OGDH: variants seen among roughly 807,000 people sequenced by gnomAD.
OGDH encodes 2-oxoglutarate dehydrogenase complex component E1.
A neutral mutation model predicts 116.6 loss-of-function variants in OGDH; 38 were observed. The observed-to-expected ratio is 0.33, with a 90% CI of 0.25 to 0.43. The LOEUF (loss-of-function observed/expected upper bound fraction) is 0.43. OGDH is among the 20% of genes least tolerant of loss of function. The pLI is 1.00. For missense variants in OGDH, 825 were observed against 1,357.2 expected (o/e 0.61, Z 6.16); for synonymous variants, 488 against 533.3 (o/e 0.92, Z 1.17).
intron 1 of OGDH, among the ~76,000 whole-genome samples, chr7:44,617,596 T>C (rs572006158): frequency 8.7e-4 from 132 of 152,354 alleles, no homozygotes; most frequent in African/African-American, 3.1e-3. Flanking sequence ...AGAATTGATA[T>C]CTGTACTCTG....
chr7:44,676,583 T>A, intron 9 of OGDH: 1 of 210,492 alleles, frequency 4.8e-6, no homozygotes, highest in Non-Finnish European at 8.1e-6. Flanking sequence ...AAATAAAAAA[T>A]ATATGTATAT....
At position 44,708,136 on chromosome 7, in the gene OGDH, C is replaced by T; in HGVS notation, c.*137C>T. Reference sequence around the variant, plus strand: ...GTGCCACCACCCCTCCCTCTGCTCTCATAGGAGTTAGGCTGTCGTCCCCCT... The same window carrying T: ...GTGCCACCACCCCTCCCTCTGCTCTTATAGGAGTTAGGCTGTCGTCCCCCT... On this transcript the variant is annotated 3_prime_UTR_variant, in exon 23 of 23. Transcript: ENST00000222673. 8.1e-7 allele frequency: 1 copy of T among 1,237,548 alleles called. No individual in the cohort carries two copies. Among genetic ancestry groups the T allele is most frequent in the Non-Finnish European group, 1.1e-6 (1 of 896,066 alleles). The allele number at this position is 1,237,548 out of a possible 1,614,324, so 76.7% of individuals were successfully genotyped here. A position where few individuals can be genotyped will look rare whatever the true frequency, so the allele number is the denominator to read the frequency against.
At chr7:44,611,032 G>T (rs1383950591) in intron 1 of OGDH, among the ~76,000 whole-genome samples, 1 of 151,346 alleles carries the variant, frequency 6.6e-6, no homozygotes, top group African/African-American at 2.4e-5. Context: ...TCTTTGCCTA[G>T]CCCAAATTCC....
intron 1 of OGDH, among the ~76,000 whole-genome samples, chr7:44,610,295 GT>G (rs112204405): frequency 3.4e-5 from 5 of 148,504 alleles, no homozygotes; most frequent in Non-Finnish European, 6.0e-5. Context: ...TTTCATCTTG[GT>G]TTTTTTTTTG....
chr7:44,656,463 A>G, intron 4 of OGDH: 1 of 1,008,872 alleles, frequency 9.9e-7, no homozygotes, highest in Non-Finnish European at 1.5e-6. Context: ...AGTTGACGCA[A>G]CTTCTGTCAC....
At chr7:44,630,039 T>C (rs1785372501) in intron 2 of OGDH, among the ~76,000 whole-genome samples, 1 of 152,208 alleles carries the variant, frequency 6.6e-6, no homozygotes, top group South Asian at 2.1e-4. Context: ...TGCTCATCTG[T>C]CGACACCGTT....
intron 8 of OGDH, among the ~76,000 whole-genome samples, chr7:44,675,608 T>TACCA (rs1033555562): frequency 6.6e-6 from 1 of 152,156 alleles, no homozygotes; most frequent in Non-Finnish European, 1.5e-5. Context: ...CTGGGCATGG[T>TACCA]GGCTCACATC....
intron 2 of OGDH, among the ~76,000 whole-genome samples, chr7:44,632,952 G>T (rs1785506414): frequency 6.6e-6 from 1 of 151,676 alleles, no homozygotes; most frequent in Non-Finnish European, 1.5e-5. Flanking sequence ...AGGGGAGAGA[G>T]ATCAAAAATA....
chr7:44,616,875 A>ATATATACACATATATATATACG (rs1562611367), intron 1 of OGDH, among the ~76,000 whole-genome samples: 1 of 31,512 alleles, frequency 3.2e-5, no homozygotes, highest in African/African-American at 1.0e-4. Context: ...ATATATACGT[A>ATATATACACATATATATATACG]TATATATATG....
Position 44,689,319 on chromosome 7 carries a change from G to A in OGDH, c.1336-4506G>A, listed in dbSNP as rs1056376014. On this transcript the variant is annotated intron_variant, in intron 10 of 22. Transcript: ENST00000222673. Reference sequence around the variant, plus strand: ...CAACTTCTGCCTCCCAGGTTCTAGCGATTCTTCTGCCTCAGTTTCCCAAGT... The same window carrying A: ...CAACTTCTGCCTCCCAGGTTCTAGCAATTCTTCTGCCTCAGTTTCCCAAGT... Among the ~76,000 whole-genome samples the A allele has an allele frequency of 5.6e-5, 8 of 142,850 alleles. No individual in the cohort carries two copies. In the South Asian group the frequency reaches 1.1e-3, roughly 20 times the overall value. 93.7% of individuals were successfully genotyped at this position (142,850 alleles called of 152,430 possible).
intron 20 of OGDH, among the ~76,000 whole-genome samples, chr7:44,703,277 G>A (rs1259520688): frequency 2.0e-5 from 3 of 152,042 alleles, no homozygotes; most frequent in African/African-American, 7.2e-5. Context: ...TTAGCAGGGT[G>A]TGGTGGTGCA....
At position 44,708,332 on chromosome 7, in the gene OGDH, T is replaced by C. The variant is rs1249796773; in HGVS notation, c.*333T>C. On this transcript the variant is annotated 3_prime_UTR_variant, in exon 23 of 23. Transcript: ENST00000222673. Reference sequence around the variant, plus strand: ...TCCCCACCAGTCTCACCCACTAGGATAGGAACTGGGCCTTGTGTGCTGGCT... The same window carrying C: ...TCCCCACCAGTCTCACCCACTAGGACAGGAACTGGGCCTTGTGTGCTGGCT... 4.3e-5 allele frequency: 11 copies of C among 253,576 alleles called. No individual in the cohort carries two copies. The highest frequency in any genetic ancestry group is 3.1e-4 in the Admixed American group (6 of 19,630). The allele number at this position is 253,576 out of a possible 1,614,324, so 15.7% of individuals were successfully genotyped here.
At position 44,694,978 on chromosome 7, in the gene OGDH, A is replaced by T. The variant is rs749901653; in HGVS notation, c.1668+402A>T. Among the ~76,000 whole-genome samples the T allele has an allele frequency of 3.3e-5, 5 of 152,018 alleles. No homozygotes were observed. The highest frequency in any genetic ancestry group is 7.4e-5 in the Non-Finnish European group (5 of 67,998). ...GGCCAAGCAGCTGCCCTAGAGAGGG[A>T]GAGGGTGGGTGTGAGGAGCTATATC... On this transcript the variant is annotated intron_variant, in intron 12 of 22. Transcript: ENST00000222673. The surrounding 1 kb of genome is among the most constrained non-coding windows in gnomAD (Gnocchi z 4.2).
intron 5 of OGDH, among the ~76,000 whole-genome samples, chr7:44,671,979 G>T (rs1585332931): frequency 1.3e-5 from 2 of 152,106 alleles, no homozygotes; most frequent in East Asian, 1.9e-4. Flanking sequence ...TGAGGCAGGA[G>T]AATGGTGTGA....
rs34550531 is a variant in OGDH at position 44,653,838 on chromosome 7, T to G, written c.517+6079T>G. 5.0e-3 allele frequency among the ~76,000 whole-genome samples: 547 copies of G among 108,790 alleles called. 2 individuals carry two copies. The highest frequency in any genetic ancestry group is 6.6e-3 in the Non-Finnish European group (432 of 65,206). 71.4% of individuals were successfully genotyped at this position (108,790 alleles called of 152,430 possible). A position where few individuals can be genotyped will look rare whatever the true frequency, so the allele number is the denominator to read the frequency against. On this transcript the variant is annotated intron_variant, in intron 4 of 22. Coordinates refer to ENST00000222673, the MANE Select transcript of OGDH (RefSeq NM_002541.4). ...ACTGTGCCTGGCCTAATTAAATTTG[T>G]TTTTTTTTATTTTTATTTTATTTTA...
chr7:44,698,840 T>TAAAAAAAAAAAAAAAAAAAAA (rs750560729), intron 18 of OGDH, among the ~76,000 whole-genome samples: 1 of 127,704 alleles, frequency 7.8e-6, no homozygotes. Context: ...TACCCTGTCT[T>TAAAAAAAAAAAAAAAAAAAAA]AAAAAAAAAA....
intron 2 of OGDH, among the ~76,000 whole-genome samples, chr7:44,634,895 G>A (rs1037228871): frequency 6.6e-6 from 1 of 152,252 alleles, no homozygotes; most frequent in African/African-American, 2.4e-5. Flanking sequence ...GAAGGCTCTG[G>A]AGGTGGGCAT....
intron 2 of OGDH, among the ~76,000 whole-genome samples, chr7:44,637,793 C>T (rs1785738431): frequency 6.7e-6 from 1 of 149,998 alleles, no homozygotes; most frequent in Admixed American, 6.6e-5. Flanking sequence ...CACTCCAGCC[C>T]GGGCGATAGA....
intron 2 of OGDH, 67 bp from the exon 3 acceptor site, chr7:44,645,260 T>A: frequency 6.9e-7 from 1 of 1,450,314 alleles, no homozygotes. Context: ...AGCAGTTCTC[T>A]GTGGCCACAG....
Sources: gnomAD v4.1 joint callset for allele counts (sites outside exome capture counted in the v4.1 genomes callset) on GRCh38, gnomAD v4.1.1 for gene constraint, Gnocchi (gnomAD v3.1) non-coding constraint, MANE v1.5 for transcripts, NCBI Gene and HGNC (gene_info 2026-07-23, HGNC 2026-07-21) for gene names.